Variants in GRM8 observed in about 807,000 individuals in gnomAD.
GRM8 encodes the protein glutamate metabotropic receptor 8, also known as metabotropic glutamate receptor 8.
A neutral mutation model predicts 87.2 loss-of-function variants in GRM8; 47 were observed. The ratio of observed to expected loss-of-function variants is 0.54; its 90% CI spans 0.43 to 0.69. The LOEUF (loss-of-function observed/expected upper bound fraction) is 0.69. GRM8 is among the 30% of genes least tolerant of loss of function. GRM8 has a pLI of 0.00. For synonymous variants in GRM8, 396 were observed against 404.5 expected (o/e 0.98, Z 0.25); for missense variants, 1,019 against 1,139.2 (o/e 0.89, Z 1.52).
At chr7:127,053,713 G>T (rs1819698864) in intron 3 of GRM8, among the ~76,000 whole-genome samples, 1 of 148,772 alleles carries the variant, frequency 6.7e-6, no homozygotes, top group African/African-American at 2.5e-5. Context: ...ACTTGAACCT[G>T]GGAGGCAGAG....
chr7:126,858,898 C>G (rs1390052868), intron 6 of GRM8, among the ~76,000 whole-genome samples: 1 of 152,132 alleles, frequency 6.6e-6, no homozygotes, highest in African/African-American at 2.4e-5. Flanking sequence ...ACAGGACATA[C>G]TTTTTCCCAT....
intron 7 of GRM8, among the ~76,000 whole-genome samples, chr7:126,751,481 A>C (rs541642224): frequency 1.3e-5 from 2 of 152,180 alleles, no homozygotes; most frequent in South Asian, 2.1e-4. Flanking sequence ...CTTAAAGTTA[A>C]TTTGGGGCTC....
At position 126,982,962 on chromosome 7, in the gene GRM8, A is replaced by G. The variant is rs142543034; in HGVS notation, c.728-78279T>C. 6.9e-4 allele frequency among the ~76,000 whole-genome samples: 105 copies of G among 152,186 alleles called. 4 individuals are homozygous for G. The East Asian group carries it at 0.018, about 27-fold the overall frequency. On this transcript the variant is annotated intron_variant, in intron 3 of 10. Coordinates refer to ENST00000339582, the MANE Select transcript of GRM8 (RefSeq NM_000845.3). The stretch of plus-strand genomic sequence containing the variant: ...GTAATACTAAGAGATGCCCTAATGA[A>G]TCTCCTATATTCCCTGCATACCCTT...
chr7:127,197,298 A>C (rs1250913912), intron 2 of GRM8, among the ~76,000 whole-genome samples: 2 of 152,190 alleles, frequency 1.3e-5, no homozygotes, highest in African/African-American at 4.8e-5. Context: ...CTACTTTTTA[A>C]GAAGATACTT....
intron 2 of GRM8, among the ~76,000 whole-genome samples, chr7:127,112,534 G>T (rs1016804669): frequency 1.2e-4 from 19 of 152,100 alleles, no homozygotes; most frequent in African/African-American, 4.6e-4. Flanking sequence ...CATTAATCAA[G>T]AACCCCTTTT....
chr7:126,830,284 A>T (rs1254078731), intron 6 of GRM8, among the ~76,000 whole-genome samples: 4 of 152,180 alleles, frequency 2.6e-5, no homozygotes, highest in Non-Finnish European at 5.9e-5. Context: ...CCTGGATAAT[A>T]TCCTGCAGAG....
At chr7:126,475,495 G>A (rs1312405559) in intron 9 of GRM8, among the ~76,000 whole-genome samples, 3 of 151,966 alleles carry the variant, frequency 2.0e-5, no homozygotes, top group Admixed American at 6.6e-5. Context: ...GAGAGTCCAT[G>A]TTCATGAATT....
intron 7 of GRM8, among the ~76,000 whole-genome samples, chr7:126,763,898 C>A (rs780587627): frequency 6.6e-6 from 1 of 151,528 alleles, no homozygotes; most frequent in Non-Finnish European, 1.5e-5. Context: ...AGAAATGTCT[C>A]TCCGTTTTTT....
intron 9 of GRM8, among the ~76,000 whole-genome samples, chr7:126,529,239 C>G (rs1356946300): frequency 6.6e-6 from 1 of 151,996 alleles, no homozygotes; most frequent in African/African-American, 2.4e-5. Flanking sequence ...CAGAAGATTC[C>G]CATTGTGCTA....
intron 6 of GRM8, among the ~76,000 whole-genome samples, chr7:126,772,161 C>G (rs1402074252): frequency 2.6e-5 from 4 of 152,106 alleles, no homozygotes; most frequent in Non-Finnish European, 2.9e-5. Flanking sequence ...AGTCTGGTAA[C>G]TATCCCCTCT....
chr7:126,471,969 C>T (rs1277938596), intron 9 of GRM8, among the ~76,000 whole-genome samples: 1 of 152,114 alleles, frequency 6.6e-6, no homozygotes, highest in Middle Eastern at 3.2e-3. Flanking sequence ...AATGGGAGTT[C>T]ACTCATGATT....
At chr7:127,157,252 AAGG>A (rs1343325752) in intron 2 of GRM8, among the ~76,000 whole-genome samples, 2 of 151,886 alleles carry the variant, frequency 1.3e-5, no homozygotes, top group African/African-American at 4.8e-5. Context: ...GGGGAGAAGA[AAGG>A]AGGAGAGAAG....
chr7:126,584,267 C>T (rs1210856918), intron 8 of GRM8, among the ~76,000 whole-genome samples: 1 of 151,606 alleles, frequency 6.6e-6, no homozygotes, highest in African/African-American at 2.4e-5. Context: ...ACACCATAAC[C>T]CAGGCTGGAG....
At chr7:126,510,990 C>T (rs1387337402) in intron 9 of GRM8, 2 of 152,142 alleles carry the variant, frequency 1.3e-5, no homozygotes, top group African/African-American at 4.8e-5. Flanking sequence ...CTTACATAGT[C>T]ATGGTCAAAG....
chr7:126,788,655 G>T (rs1284302457), intron 6 of GRM8, among the ~76,000 whole-genome samples: 1 of 151,578 alleles, frequency 6.6e-6, no homozygotes, highest in Non-Finnish European at 1.5e-5. Context: ...TCTACAAATG[G>T]ACTCTATCAT....
chr7:127,158,615 C>A (rs535458933), intron 2 of GRM8, among the ~76,000 whole-genome samples: 1 of 152,204 alleles, frequency 6.6e-6, no homozygotes, highest in Non-Finnish European at 1.5e-5. Flanking sequence ...TAATGTGTCA[C>A]CACATGGTGG....
chr7:127,160,174 C>A (rs1367580365), intron 2 of GRM8, among the ~76,000 whole-genome samples: 3 of 151,944 alleles, frequency 2.0e-5, no homozygotes, highest in Non-Finnish European at 4.4e-5. Flanking sequence ...AGATTAAACC[C>A]CAGCCACCAA....
chr7:126,814,345 C>A (rs1292198487), intron 6 of GRM8, among the ~76,000 whole-genome samples: 7 of 152,136 alleles, frequency 4.6e-5, no homozygotes, highest in Non-Finnish European at 2.9e-5. Flanking sequence ...CTGTAAGGGA[C>A]CTTATCAGAT....
At chr7:126,832,934 A>T (rs974173446) in intron 6 of GRM8, among the ~76,000 whole-genome samples, 2 of 152,216 alleles carry the variant, frequency 1.3e-5, no homozygotes, top group Admixed American at 6.5e-5. Flanking sequence ...CAGTTCATGA[A>T]TTTTGCGGAA....
Sources: allele counts gnomAD v4.1 joint callset (sites outside exome capture counted in the v4.1 genomes callset), GRCh38; gene constraint gnomAD v4.1.1; transcripts MANE v1.5; gene names NCBI Gene and HGNC (gene_info 2026-07-23, HGNC 2026-07-21).